The following ANKRD22 variants were observed in gnomAD, a reference collection of about 807,000 sequenced individuals.
The protein encoded by ANKRD22 is ankyrin repeat domain 22, also known as ankyrin repeat domain-containing protein 22.
In ANKRD22, 24 loss-of-function variants were observed where a neutral mutation model predicts 25.7. The ratio of observed to expected loss-of-function variants is 0.93; its 90% CI spans 0.68 to 1.31. The LOEUF (loss-of-function observed/expected upper bound fraction) is 1.31, where lower values mean the gene tolerates loss of function less well. Ranked by LOEUF, ANKRD22 falls within the 50% of genes most tolerant of loss-of-function variation. The pLI is 0.00. For synonymous variants in ANKRD22, 84 were observed against 84.3 expected (o/e 1.00, Z 0.02); for missense variants, 214 against 227.1 (o/e 0.94, Z 0.37).
At chr10:88,838,925 C>T (rs1489279786) in intron 1 of ANKRD22, among the ~76,000 whole-genome samples, 4 of 152,112 alleles carry the variant, frequency 2.6e-5, no homozygotes, top group East Asian at 3.9e-4. Flanking sequence ...GAGTATTTAC[C>T]AGCAGGGTGC....
chr10:88,851,197 T>C (rs575333527), intron 1 of ANKRD22, among the ~76,000 whole-genome samples: 35 of 152,268 alleles, frequency 2.3e-4, no homozygotes, highest in Non-Finnish European at 3.5e-4. Context: ...TGTGGTTCCA[T>C]AAAAGAGGCA....
chr10:88,847,506 G>A (rs1274478436), intron 1 of ANKRD22, among the ~76,000 whole-genome samples: 1 of 152,016 alleles, frequency 6.6e-6, no homozygotes, highest in African/African-American at 2.4e-5. Context: ...TGATCCACCT[G>A]CCTCAGCTTC....
At chr10:88,824,709 A>G (rs1250932271) in intron 4 of ANKRD22, among the ~76,000 whole-genome samples, 3 of 151,046 alleles carry the variant, frequency 2.0e-5, no homozygotes, top group Non-Finnish European at 1.5e-5. Context: ...GGAATGCAAT[A>G]TCTCTATCTA....
intron 2 of ANKRD22, among the ~76,000 whole-genome samples, chr10:88,830,843 C>T (rs1160347374): frequency 1.3e-5 from 2 of 152,242 alleles, no homozygotes; most frequent in African/African-American, 4.8e-5. Flanking sequence ...CCACTCACTG[C>T]AACTCCACAT....
At chr10:88,850,665 G>C (rs953642962) in intron 1 of ANKRD22, among the ~76,000 whole-genome samples, 6 of 152,206 alleles carry the variant, frequency 3.9e-5, no homozygotes, top group East Asian at 3.9e-4. Context: ...AGCACTATAT[G>C]TTTTGTCATT....
intron 2 of ANKRD22, among the ~76,000 whole-genome samples, chr10:88,830,611 G>T (rs1843894543): frequency 1.3e-5 from 2 of 152,192 alleles, no homozygotes; most frequent in Non-Finnish European, 2.9e-5. Context: ...AACTTCTACT[G>T]ATAAAATCTA....
At chr10:88,846,311 C>T (rs1844048324) in intron 1 of ANKRD22, among the ~76,000 whole-genome samples, 1 of 152,156 alleles carries the variant, frequency 6.6e-6, no homozygotes, top group Non-Finnish European at 1.5e-5. Context: ...TTATGCGAAA[C>T]ACCCACACCT....
At chr10:88,823,041 T>A in intron 5 of ANKRD22, 23 bp from the exon 6 acceptor site, 1 of 1,599,120 alleles carries the variant, frequency 6.3e-7, no homozygotes, top group Non-Finnish European at 8.6e-7. Context: ...AAATATACAG[T>A]TATTTCCAAT....
chr10:88,828,433 C>T, intron 3 of ANKRD22, 126 bp downstream of exon 3: 1 of 742,252 alleles, frequency 1.3e-6, no homozygotes. Context: ...ATGTCAATTA[C>T]AGAATACAAA....
At chr10:88,828,777 G>A (rs1843878902) in intron 2 of ANKRD22, 111 bp from the exon 3 acceptor site, 2 of 751,188 alleles carry the variant, frequency 2.7e-6, no homozygotes, top group East Asian at 2.7e-5. Context: ...CGGTACCCAT[G>A]GCATCTTTTC....
At chr10:88,848,699 CCTCTCAAAT>C (rs1844076169) in intron 1 of ANKRD22, among the ~76,000 whole-genome samples, 1 of 152,142 alleles carries the variant, frequency 6.6e-6, no homozygotes, top group Admixed American at 6.5e-5. Flanking sequence ...TAAATGACTT[CCTCTCAAAT>C]CCCTTGAAGT....
In ANKRD22 at chr10:88,821,222, T is replaced by C. The variant is rs1843790205; in HGVS notation, c.*1719A>G. ...TAATGACTAAAAATTTCTGGCTCAATTTTCTGCCTCCAAAAATTAAAAGCT... is the reference window on the plus strand; with the variant it reads ...TAATGACTAAAAATTTCTGGCTCAACTTTCTGCCTCCAAAAATTAAAAGCT... On this transcript the variant is annotated 3_prime_UTR_variant, in exon 6 of 6. Coordinates refer to ENST00000371930, the MANE Select transcript of ANKRD22 (RefSeq NM_144590.3). Among the ~76,000 whole-genome samples, 2 of 152,240 alleles carry C rather than the reference T, an allele frequency of 1.3e-5. No homozygotes were observed. The highest frequency in any genetic ancestry group is 1.3e-4 in the Admixed American group (2 of 15,288).
At chr10:88,851,438 C>T in intron 1 of ANKRD22, 149 bp downstream of exon 1, 1 of 732,098 alleles carries the variant, frequency 1.4e-6, no homozygotes, top group South Asian at 1.7e-5. Context: ...AAGAATAACA[C>T]ATAGGACTTT....
At chr10:88,826,154 A>G (rs576811290) in intron 3 of ANKRD22, 39 bp from the exon 4 acceptor site, 2 of 1,524,896 alleles carry the variant, frequency 1.3e-6, no homozygotes, top group African/African-American at 2.7e-5. Flanking sequence ...CTTATTTACA[A>G]ATAGTTTCTC....
intron 1 of ANKRD22, among the ~76,000 whole-genome samples, chr10:88,843,741 G>A (rs1044841955): frequency 9.9e-5 from 15 of 152,064 alleles, no homozygotes; most frequent in African/African-American, 3.6e-4. Context: ...GATTTCATTG[G>A]GAGAATTATT....
chr10:88,839,361 GTT>G (rs1459000723), intron 1 of ANKRD22, among the ~76,000 whole-genome samples: 1 of 152,122 alleles, frequency 6.6e-6, no homozygotes, highest in Admixed American at 6.6e-5. Flanking sequence ...CTTTTACCTG[GTT>G]TTTAAAGTGC....
chr10:88,847,136 T>C (rs1368796010), intron 1 of ANKRD22, among the ~76,000 whole-genome samples: 1 of 152,210 alleles, frequency 6.6e-6, no homozygotes, highest in African/African-American at 2.4e-5. Flanking sequence ...AATTGGGATC[T>C]TCATTTGTAG....
At chr10:88,851,460 C>G (rs1468192801) in intron 1 of ANKRD22, 127 bp downstream of exon 1, 1 of 973,620 alleles carries the variant, frequency 1.0e-6, no homozygotes, top group East Asian at 2.5e-5. Context: ...TTTTTTCTGA[C>G]TTAATGCTCC....
chr10:88,833,795 T>G (rs954096678), intron 1 of ANKRD22, among the ~76,000 whole-genome samples: 2 of 152,252 alleles, frequency 1.3e-5, no homozygotes, highest in African/African-American at 2.4e-5. Context: ...TCCTGAAGTC[T>G]TCCCTTTACT....
Sources: allele counts gnomAD v4.1 joint callset (sites outside exome capture counted in the v4.1 genomes callset), GRCh38; gene constraint gnomAD v4.1.1; transcripts MANE v1.5; gene names NCBI Gene and HGNC (gene_info 2026-07-23, HGNC 2026-07-21).